The following EXOC6B variants were observed in gnomAD, a reference collection of about 807,000 sequenced individuals.
The protein encoded by EXOC6B is SEC15 homolog B.
A neutral mutation model predicts 113.5 loss-of-function variants in EXOC6B; 54 were observed. The observed-to-expected ratio is 0.48, with a 90% CI of 0.38 to 0.60. The LOEUF is 0.60. Ranked by LOEUF, EXOC6B falls within the 20% of genes least tolerant of loss-of-function variation. The pLI, the probability that EXOC6B is intolerant of heterozygous loss-of-function variation, is 0.00. For missense variants in EXOC6B, 797 were observed against 977.5 expected, an observed-to-expected ratio of 0.82 and a Z score of 2.46; for synonymous variants, 357 against 339.0, an observed-to-expected ratio of 1.05 and a Z score of -0.58.
chr2:72,382,477 C>G (rs1393158337), intron 18 of EXOC6B, among the ~76,000 whole-genome samples: 1 of 152,118 alleles, frequency 6.6e-6, no homozygotes, highest in Non-Finnish European at 1.5e-5. Context: ...ATGTCTCCAG[C>G]TTTCTTCTTT....
At chr2:72,695,286 G>T (rs1334168969) in intron 6 of EXOC6B, among the ~76,000 whole-genome samples, 1 of 152,176 alleles carries the variant, frequency 6.6e-6, no homozygotes, top group Admixed American at 6.5e-5. Flanking sequence ...CAAAGCTCCT[G>T]CAGTACAATA....
rs554426873 is a variant in EXOC6B, at chr2:72,581,771, C to T, written c.670-6103G>A. Among the ~76,000 whole-genome samples, 7 of 152,274 alleles carry T rather than the reference C, an allele frequency of 4.6e-5. No homozygotes were observed. The South Asian group carries it at 1.5e-3, about 32-fold the overall frequency. ...CATACCTCTGGGCACTTGGTGGCCC[C>T]CCACTGGATTCTCCTTCAGCACTAG... On this transcript the variant is annotated intron_variant, in intron 6 of 21. Coordinates refer to ENST00000272427, the MANE Select transcript of EXOC6B (RefSeq NM_015189.3).
At chr2:72,304,390 A>C (rs1454055899) in intron 20 of EXOC6B, among the ~76,000 whole-genome samples, 1 of 152,196 alleles carries the variant, frequency 6.6e-6, no homozygotes, top group African/African-American at 2.4e-5. Flanking sequence ...TAATTACTCA[A>C]GCTGTCCTCA....
intron 1 of EXOC6B, among the ~76,000 whole-genome samples, chr2:72,777,000 G>A (rs1202765787): frequency 6.6e-6 from 1 of 152,098 alleles, no homozygotes; most frequent in Non-Finnish European, 1.5e-5. Flanking sequence ...TAGCACTTTG[G>A]GAGGCTGAGG....
At chr2:72,388,192 CTT>C (rs978958055) in intron 18 of EXOC6B, among the ~76,000 whole-genome samples, 30 of 152,308 alleles carry the variant, frequency 2.0e-4, no homozygotes, top group African/African-American at 7.2e-4. Flanking sequence ...GGTTAAGAAA[CTT>C]TGCTCCAACC....
rs764288369 is a variant in EXOC6B, at chr2:72,198,166, T to A, written c.2197-13979A>T. Among the ~76,000 whole-genome samples, 44 of 152,258 alleles carry A rather than the reference T, an allele frequency of 2.9e-4. No homozygotes were observed. In the Middle Eastern group the frequency reaches 0.017, roughly 59 times the overall value. ...CATAGGGCCAATATGAAAAGAAACATATTTCAGGTTCAAGCCAGTGTTGTC... is the reference window on the plus strand; with the variant it reads ...CATAGGGCCAATATGAAAAGAAACAAATTTCAGGTTCAAGCCAGTGTTGTC... On this transcript the variant is annotated intron_variant, in intron 20 of 21. Transcript: ENST00000272427.
chr2:72,763,085 A>T (rs1348630551), intron 1 of EXOC6B, among the ~76,000 whole-genome samples: 1 of 152,198 alleles, frequency 6.6e-6, no homozygotes, highest in Non-Finnish European at 1.5e-5. Flanking sequence ...ATCTTTAAAA[A>T]TATTTGGTTG....
At chr2:72,763,275 C>T (rs559844094) in intron 1 of EXOC6B, among the ~76,000 whole-genome samples, 2 of 152,054 alleles carry the variant, frequency 1.3e-5, no homozygotes, top group East Asian at 3.9e-4. Context: ...CTTCCATTTC[C>T]CCCTTCCTGT....
intron 20 of EXOC6B, among the ~76,000 whole-genome samples, chr2:72,330,732 C>T (rs1233430093): frequency 6.6e-6 from 1 of 151,854 alleles, no homozygotes. Flanking sequence ...AGTTTATGTC[C>T]CTGTTTCTTG....
intron 20 of EXOC6B, among the ~76,000 whole-genome samples, chr2:72,232,212 T>C (rs1418989285): frequency 2.0e-5 from 3 of 152,098 alleles, no homozygotes; most frequent in Non-Finnish European, 4.4e-5. Context: ...GGACCTCAAG[T>C]GATCCATCTG....
intron 18 of EXOC6B, among the ~76,000 whole-genome samples, chr2:72,382,439 G>C (rs1573001487): frequency 6.6e-6 from 1 of 152,144 alleles, no homozygotes; most frequent in East Asian, 1.9e-4. Context: ...CTGTAGCCCT[G>C]TGGTATAGTT....
chr2:72,664,839 G>A (rs1675277702), intron 6 of EXOC6B, among the ~76,000 whole-genome samples: 1 of 152,236 alleles, frequency 6.6e-6, no homozygotes, highest in Non-Finnish European at 1.5e-5. Flanking sequence ...CTGCCTGAGT[G>A]CTTTCCCAAT....
chr2:72,410,661 T>G (rs1261665406), intron 18 of EXOC6B, among the ~76,000 whole-genome samples: 2 of 152,206 alleles, frequency 1.3e-5, no homozygotes, highest in Non-Finnish European at 2.9e-5. Flanking sequence ...AGTACAGCAA[T>G]TTAGCTTTGG....
intron 6 of EXOC6B, among the ~76,000 whole-genome samples, chr2:72,589,556 A>G (rs1311746125): frequency 1.3e-5 from 2 of 152,000 alleles, no homozygotes; most frequent in African/African-American, 4.8e-5. Context: ...TTTTGTTAAA[A>G]GAGTAATGTT....
At chr2:72,428,415 T>C (rs911729444) in intron 18 of EXOC6B, among the ~76,000 whole-genome samples, 1 of 152,206 alleles carries the variant, frequency 6.6e-6, no homozygotes, top group Non-Finnish European at 1.5e-5. Flanking sequence ...CTGGGGAAGC[T>C]GCTTGCCTTG....
chr2:72,730,579 G>GAC (rs3034987), intron 5 of EXOC6B, among the ~76,000 whole-genome samples: 7,052 of 144,484 alleles, frequency 0.049, 355 homozygotes, highest in African/African-American at 0.13. Context: ...AACAGACAGA[G>GAC]ACACACACAC....
chr2:72,655,651 A>G (rs1040931722), intron 6 of EXOC6B, among the ~76,000 whole-genome samples: 3 of 152,106 alleles, frequency 2.0e-5, no homozygotes, highest in African/African-American at 7.2e-5. Flanking sequence ...AGAACCTAAA[A>G]ATAGAGAAAC....
intron 18 of EXOC6B, among the ~76,000 whole-genome samples, chr2:72,451,782 C>T (rs571020266): frequency 7.2e-5 from 11 of 151,946 alleles, no homozygotes; most frequent in East Asian, 5.8e-4. Context: ...AAGCCTGCAA[C>T]GGCTAATTCA....
At chr2:72,254,887 CCTCA>C (rs1471533554) in intron 20 of EXOC6B, among the ~76,000 whole-genome samples, 1 of 152,056 alleles carries the variant, frequency 6.6e-6, no homozygotes, top group African/African-American at 2.4e-5. Flanking sequence ...CCTGATTTTG[CCTCA>C]CTATTTATGG....
Sources: allele counts gnomAD v4.1 joint callset (sites outside exome capture counted in the v4.1 genomes callset), GRCh38; gene constraint gnomAD v4.1.1; transcripts MANE v1.5; gene names NCBI Gene and HGNC (gene_info 2026-07-23, HGNC 2026-07-21).